Variants in CMIP observed in about 807,000 individuals in gnomAD.
CMIP encodes the protein c-Maf inducing protein, also known as C-Maf-inducing protein.
A neutral mutation model predicts 97.3 loss-of-function variants in CMIP; 13 were observed. The ratio of observed to expected loss-of-function variants is 0.13; its 90% CI spans 0.09 to 0.21. The LOEUF (loss-of-function observed/expected upper bound fraction) is 0.21, where lower values mean the gene tolerates loss of function less well. CMIP is among the 10% of genes least tolerant of loss of function. The pLI is 1.00. For missense variants in CMIP, 847 were observed against 1,024.9 expected (o/e 0.83, Z 2.37); for synonymous variants, 538 against 436.3 (o/e 1.23, Z -2.91).
chr16:81,476,222 T>G (rs1280795830), intron 1 of CMIP: 1 of 1,400,826 alleles, frequency 7.1e-7, no homozygotes, highest in South Asian at 1.2e-5. Context: ...GCATTTGCCA[T>G]GGACAAGATG....
intron 1 of CMIP, among the ~76,000 whole-genome samples, chr16:81,483,270 G>T (rs1567537978): frequency 6.6e-6 from 1 of 152,106 alleles, no homozygotes. Context: ...GCGGCTAAAG[G>T]AGGTAAAGGA....
intron 1 of CMIP, among the ~76,000 whole-genome samples, chr16:81,503,835 C>A (rs1023274608): frequency 2.0e-5 from 3 of 152,240 alleles, no homozygotes; most frequent in Non-Finnish European, 4.4e-5. Context: ...GAGCGGATCA[C>A]CAGGCCTGTC....
At chr16:81,680,370 C>T (rs1302312577) in intron 10 of CMIP, among the ~76,000 whole-genome samples, 1 of 152,188 alleles carries the variant, frequency 6.6e-6, no homozygotes, top group Non-Finnish European at 1.5e-5. Flanking sequence ...CCCTGGGGTG[C>T]CCCCTGTGCT....
At chr16:81,550,024 T>G (rs2090622838) in intron 1 of CMIP, among the ~76,000 whole-genome samples, 1 of 152,236 alleles carries the variant, frequency 6.6e-6, no homozygotes, top group South Asian at 2.1e-4. Flanking sequence ...GGCAAATGTG[T>G]GCACATCTAC....
At chr16:81,534,450 A>G (rs548708733) in intron 1 of CMIP, among the ~76,000 whole-genome samples, 1 of 152,278 alleles carries the variant, frequency 6.6e-6, no homozygotes, top group Non-Finnish European at 1.5e-5. Flanking sequence ...CAAATCATTT[A>G]TGTAGCAGTT....
intron 1 of CMIP, 69 bp from the exon 2 acceptor site, chr16:81,607,482 ATGTTTCCAAAACCGTC>A: frequency 6.5e-7 from 1 of 1,544,962 alleles, no homozygotes; most frequent in Non-Finnish European, 8.8e-7. Flanking sequence ...CAGAGGGGCG[ATGTTTCCAAAACCGTC>A]TGAGATGCGG....
chr16:81,510,203 C>G (rs1198873457), intron 1 of CMIP, among the ~76,000 whole-genome samples: 1 of 152,148 alleles, frequency 6.6e-6, no homozygotes, highest in Non-Finnish European at 1.5e-5. Flanking sequence ...TTCTCAAGGT[C>G]TGATCGGGGA....
At chr16:81,479,722 A>T (rs1908144253) in intron 1 of CMIP, among the ~76,000 whole-genome samples, 1 of 151,984 alleles carries the variant, frequency 6.6e-6, no homozygotes, top group African/African-American at 2.4e-5. Context: ...AGCCACTACC[A>T]CCTCTGTCTA....
intron 1 of CMIP, among the ~76,000 whole-genome samples, chr16:81,463,479 G>A (rs530832643): frequency 1.8e-4 from 28 of 152,304 alleles, no homozygotes; most frequent in South Asian, 1.2e-3. Flanking sequence ...GCGGGACGGC[G>A]GTTGTGGTTT....
In CMIP at chr16:81,445,200, A is replaced by G; in HGVS notation, c.-42A>G. On this transcript the variant is annotated 5_prime_UTR_variant, in exon 1 of 21. Coordinates refer to ENST00000537098, the MANE Select transcript of CMIP (RefSeq NM_198390.3). ...CCCCGCCGCCCCAGCAGCCCAGGACAGCCCCCTCTCCCCGCCCCCAGCCCC... is the reference window on the plus strand; with the variant it reads ...CCCCGCCGCCCCAGCAGCCCAGGACGGCCCCCTCTCCCCGCCCCCAGCCCC... The G allele has an allele frequency of 7.3e-7, 1 of 1,360,842 alleles. No homozygotes were observed. The highest frequency in any genetic ancestry group is 9.8e-7 in the Non-Finnish European group (1 of 1,021,872). The allele number at this position is 1,360,842 out of a possible 1,614,324, so 84.3% of individuals were successfully genotyped here.
intron 1 of CMIP, among the ~76,000 whole-genome samples, chr16:81,597,651 A>C (rs1379019997): frequency 2.0e-5 from 3 of 151,606 alleles, no homozygotes; most frequent in Non-Finnish European, 4.4e-5. Flanking sequence ...GGGGCGGGAC[A>C]CCTGCACCCA....
intron 10 of CMIP, among the ~76,000 whole-genome samples, chr16:81,686,944 G>C (rs1258935800): frequency 3.9e-5 from 6 of 152,100 alleles, no homozygotes; most frequent in Non-Finnish European, 5.9e-5. Flanking sequence ...CCCGTGGGTG[G>C]TGCCCAGGTG....
intron 1 of CMIP, among the ~76,000 whole-genome samples, chr16:81,595,264 A>G (rs1031010027): frequency 1.3e-5 from 2 of 152,064 alleles, no homozygotes; most frequent in African/African-American, 2.4e-5. Context: ...CCTGGAAACC[A>G]TGAACCCACT....
intron 1 of CMIP, among the ~76,000 whole-genome samples, chr16:81,592,585 C>G (rs1055998775): frequency 1.3e-5 from 2 of 152,218 alleles, no homozygotes; most frequent in African/African-American, 4.8e-5. Context: ...CCTCCGCTCA[C>G]CCTGCTCATC....
At chr16:81,487,052 G>A (rs577997551) in intron 1 of CMIP, among the ~76,000 whole-genome samples, 1 of 152,340 alleles carries the variant, frequency 6.6e-6, no homozygotes, top group East Asian at 1.9e-4. Context: ...CGTTTCTCTG[G>A]ACACCAGGCC....
chr16:81,639,249 C>T (rs2150985749), intron 3 of CMIP, among the ~76,000 whole-genome samples: 1 of 152,354 alleles, frequency 6.6e-6, no homozygotes, highest in Admixed American at 6.5e-5. Context: ...ACCTGGAGAT[C>T]TTAAATATTC....
chr16:81,507,429 G>C (rs2089730141), intron 1 of CMIP, among the ~76,000 whole-genome samples: 1 of 152,218 alleles, frequency 6.6e-6, no homozygotes. Flanking sequence ...TGTCCTCTAT[G>C]TGTGTCCACT....
chr16:81,467,115 C>T (rs1907249098), intron 1 of CMIP, among the ~76,000 whole-genome samples: 1 of 152,166 alleles, frequency 6.6e-6, no homozygotes, highest in Admixed American at 6.5e-5. Context: ...AGTTTCCATC[C>T]CACCAGGCAA....
chr16:81,605,188 A>G (rs1192960489), intron 1 of CMIP, among the ~76,000 whole-genome samples: 1 of 152,210 alleles, frequency 6.6e-6, no homozygotes, highest in East Asian at 1.9e-4. Flanking sequence ...AGTGCACGGG[A>G]TGCTGGAACA....
Sources: allele counts gnomAD v4.1 joint callset (sites outside exome capture counted in the v4.1 genomes callset), GRCh38; gene constraint gnomAD v4.1.1; transcripts MANE v1.5; gene names NCBI Gene and HGNC (gene_info 2026-07-23, HGNC 2026-07-21).